RAB9B: variants seen among roughly 807,000 people sequenced by gnomAD.
The protein encoded by RAB9B is ras-related protein Rab-9B.
A neutral mutation model predicts 8.9 loss-of-function variants in RAB9B; 1 was observed. That is an observed-to-expected ratio of 0.11 (90% CI 0.04 to 0.53). The LOEUF is 0.53. Ranked by LOEUF, RAB9B falls within the 20% of genes least tolerant of loss-of-function variation. The probability of loss-of-function intolerance (pLI) is 0.93; values close to 1 mark genes in which losing one functional copy is unlikely to be tolerated. For missense variants in RAB9B, 82 were observed against 152.9 expected (o/e 0.54, Z 2.45); for synonymous variants, 63 against 57.0 (o/e 1.10, Z -0.47).
the RAB9B span, among the ~76,000 whole-genome samples, chrX:103,811,896 G>C: frequency 3.4e-4 from 37 of 110,040 alleles, no homozygotes; most frequent in African/African-American, 1.2e-3. Flanking sequence ...GTGTCTGGTG[G>C]GGCCCCCTTC....
the RAB9B span, among the ~76,000 whole-genome samples, chrX:103,806,372 G>A: frequency 1.8e-5 from 2 of 111,209 alleles, no homozygotes; most frequent in South Asian, 3.8e-4. Context: ...TTATTTAGGT[G>A]GGTGTTAATT....
chrX:103,809,206 T>C, the RAB9B span, among the ~76,000 whole-genome samples: 1 of 112,353 alleles, frequency 8.9e-6, no homozygotes, highest in Non-Finnish European at 1.9e-5. Context: ...AACAATAAGA[T>C]GGTGGCCATC....
chrX:103,786,413 G>C, the RAB9B span: 1 of 1,170,044 alleles, frequency 8.5e-7, no homozygotes. Context: ...AAAGAAGCCA[G>C]GTCTTCAATT....
chrX:103,784,484 T>C, the RAB9B span, among the ~76,000 whole-genome samples: 3 of 111,780 alleles, frequency 2.7e-5, no homozygotes, highest in Admixed American at 1.9e-4. Context: ...TCAAACCTCC[T>C]ATTTTCCAAT....
chrX:103,783,876 T>C, the RAB9B span, among the ~76,000 whole-genome samples: 3 of 112,112 alleles, frequency 2.7e-5, no homozygotes, highest in Non-Finnish European at 5.6e-5. Context: ...GTACATTTGC[T>C]GAGTATTTGT....
At chrX:103,820,971 CACACACACACAT>C (rs750160226), downstream of RAB9B, among the ~76,000 whole-genome samples, 5,765 of 59,581 alleles carry the variant, frequency 0.097, 320 homozygotes, top group African/African-American at 0.18. Context: ...CACACACACA[CACACACACACAT>C]ACACACACAC....
At chrX:103,783,956 T>C in the RAB9B span, among the ~76,000 whole-genome samples, 1 of 112,261 alleles carries the variant, frequency 8.9e-6, no homozygotes, top group Non-Finnish European at 1.9e-5. Context: ...TATTTATATA[T>C]ATACATACAT....
At chrX:103,790,474 G>A in the RAB9B span, 1 of 849,566 alleles carries the variant, frequency 1.2e-6, no homozygotes, top group Non-Finnish European at 1.8e-6. Flanking sequence ...GATTTGAGGA[G>A]GGAGTGCTTT....
the RAB9B span, among the ~76,000 whole-genome samples, chrX:103,795,710 A>G: frequency 8.9e-6 from 1 of 112,311 alleles, no homozygotes; most frequent in African/African-American, 3.2e-5. Context: ...AAAAAAGTGA[A>G]GAGAAACATA....
the RAB9B span, among the ~76,000 whole-genome samples, chrX:103,778,996 G>A: frequency 1.8e-5 from 2 of 112,112 alleles, no homozygotes; most frequent in East Asian, 5.6e-4. Flanking sequence ...CCAGGAACAG[G>A]GAACTTACTA....
the RAB9B span, chrX:103,786,923 C>A: frequency 4.4e-6 from 2 of 457,828 alleles, no homozygotes; most frequent in Non-Finnish European, 7.6e-6. Flanking sequence ...TTCAAAGGTT[C>A]CCTAAGCAAA....
chrX:103,796,847 C>CAAAAA, the RAB9B span, among the ~76,000 whole-genome samples: 28 of 12,096 alleles, frequency 2.3e-3, no homozygotes, highest in Non-Finnish European at 3.5e-3. Flanking sequence ...ACCGCCTCTA[C>CAAAAA]AAAAAAAAAA....
the RAB9B span, chrX:103,787,587 C>T: frequency 9.0e-5 from 40 of 443,105 alleles, no homozygotes; most frequent in African/African-American, 7.9e-4. Flanking sequence ...CCTACCCATT[C>T]CCCCCACCCT....
At chrX:103,818,420 A>G (rs1382891562), downstream of RAB9B, among the ~76,000 whole-genome samples, 1 of 111,711 alleles carries the variant, frequency 9.0e-6, no homozygotes, top group Non-Finnish European at 1.9e-5. Flanking sequence ...TAAAATTAAT[A>G]AAAAATTCAT....
the RAB9B span, among the ~76,000 whole-genome samples, chrX:103,782,920 G>A: frequency 8.9e-6 from 1 of 112,219 alleles, no homozygotes; most frequent in Non-Finnish European, 1.9e-5. Context: ...CCTGTGCTGG[G>A]GAGAAAGGGA....
the RAB9B span, among the ~76,000 whole-genome samples, chrX:103,782,474 CAG>C: frequency 8.9e-6 from 1 of 111,854 alleles, no homozygotes; most frequent in African/African-American, 3.3e-5. Flanking sequence ...ATTTATCACC[CAG>C]TAAGAACACA....
chrX:103,809,559 C>T, the RAB9B span, among the ~76,000 whole-genome samples: 2 of 112,433 alleles, frequency 1.8e-5, no homozygotes, highest in Non-Finnish European at 3.8e-5. Flanking sequence ...CTTGGCCTCC[C>T]AAAGTGCTGG....
At chrX:103,797,443 A>G in the RAB9B span, among the ~76,000 whole-genome samples, 1 of 112,053 alleles carries the variant, frequency 8.9e-6, no homozygotes, top group Non-Finnish European at 1.9e-5. Context: ...TAGGTGTAAA[A>G]TGAAGGTGTG....
At chrX:103,828,515 C>T (rs765374096) in intron 1 of RAB9B, among the ~76,000 whole-genome samples, 1 of 111,912 alleles carries the variant, frequency 8.9e-6, no homozygotes, top group Non-Finnish European at 1.9e-5. Flanking sequence ...TTTTGAAAAG[C>T]AACAGAAGTA....
Sources: allele counts gnomAD v4.1 joint callset (sites outside exome capture counted in the v4.1 genomes callset), GRCh38; gene constraint gnomAD v4.1.1; transcripts MANE v1.5; gene names NCBI Gene and HGNC (gene_info 2026-07-23, HGNC 2026-07-21).